Variants in RFT1 observed in about 807,000 individuals in gnomAD.
The protein encoded by RFT1 is RFT1 glycolipid translocator homolog.
RFT1 carries 43 observed loss-of-function variants against 62.2 expected under a neutral mutation model. The ratio of observed to expected loss-of-function variants is 0.69; its 90% CI spans 0.54 to 0.89. The LOEUF is 0.89. Ranked by LOEUF, RFT1 falls within the 40% of genes least tolerant of loss-of-function variation. RFT1 has a pLI of 0.00. For missense variants in RFT1, 605 were observed against 649.9 expected (o/e 0.93, Z 0.75); for synonymous variants, 262 against 264.6 (o/e 0.99, Z 0.10).
rs1340928824 is a variant in RFT1, at chr3:53,103,735, G to A, written c.1102+218C>T. The A allele has an allele frequency of 5.1e-6, 3 of 591,488 alleles. No individual in the cohort carries two copies. In the Admixed American group the frequency reaches 8.2e-5, roughly 16 times the overall value. 36.6% of individuals were successfully genotyped at this position (591,488 alleles called of 1,614,324 possible). On this transcript the variant is annotated intron_variant, in intron 10 of 12. Coordinates refer to ENST00000296292, the MANE Select transcript of RFT1 (RefSeq NM_052859.4). Reference sequence around the variant, plus strand: ...AGTCCTAATAACTTCTCCAAGTGAGGCTGGGGAAGCTGATTGTCCTGGCGC... The same window carrying A: ...AGTCCTAATAACTTCTCCAAGTGAGACTGGGGAAGCTGATTGTCCTGGCGC...
chr3:53,084,846 C>T (rs1255900123), downstream of RFT1, among the ~76,000 whole-genome samples: 1 of 152,206 alleles, frequency 6.6e-6, no homozygotes. Flanking sequence ...CTAGAAGATT[C>T]CTTCACAAGT....
At position 53,099,395 on chromosome 3, in the gene RFT1, T is replaced by C. The variant is rs868849995; in HGVS notation, c.1194A>G (p.Lys398=). The part of the protein sequence containing the change: ...TECFTFAAMS[K]EEVDRYNFVM... ...AGGTTACCCACCTGTCGACCTCCTC[T>C]TTGCTCATGGCAGCAAATGTGAAAC... Residue 398 remains lysine, a synonymous_variant, in exon 11 of 13, where the codon AAA becomes AAG. Transcript: ENST00000296292. 8 of 1,614,100 alleles carry C rather than the reference T, an allele frequency of 5.0e-6. No individual in the cohort carries two copies. In the Middle Eastern group the frequency reaches 6.6e-4, roughly 133 times the overall value.
intron 9 of RFT1, among the ~76,000 whole-genome samples, chr3:53,104,471 C>T (rs1458298804): frequency 6.6e-6 from 1 of 152,032 alleles, no homozygotes; most frequent in Non-Finnish European, 1.5e-5. Flanking sequence ...TCAAGCAATC[C>T]TCCTGCCTTG....
the RFT1 span, among the ~76,000 whole-genome samples, chr3:53,073,057 C>T: frequency 6.6e-6 from 1 of 152,214 alleles, no homozygotes; most frequent in Admixed American, 6.5e-5. Context: ...CAGATGTGAG[C>T]CCCCAGCCCG....
intron 6 of RFT1, among the ~76,000 whole-genome samples, chr3:53,118,803 C>G (rs1701880909): frequency 6.6e-6 from 1 of 152,120 alleles, no homozygotes; most frequent in South Asian, 2.1e-4. Context: ...AGTCCAATGG[C>G]CTGAGTGTGA....
chr3:53,114,239 G>C (rs1249990280), intron 6 of RFT1, among the ~76,000 whole-genome samples: 1 of 152,120 alleles, frequency 6.6e-6, no homozygotes, highest in Non-Finnish European at 1.5e-5. Flanking sequence ...AGCAAAGCAG[G>C]ACCTGTCCCC....
In RFT1 at chr3:53,122,448, G is replaced by C. The variant is rs140127085; in HGVS notation, c.382C>G (p.Leu128Val). Reference sequence around the variant, plus strand: ...CCTAGAAGCTCCACCACTGCCGAGAGACCAAACAGCACCACTCCAGTTGCA... The same window carrying C: ...CCTAGAAGCTCCACCACTGCCGAGACACCAAACAGCACCACTCCAGTTGCA... The part of the protein sequence containing the change: ...HYATGVVLFG[L>V]SAVVELLGEP... The change falls in exon 4 of 13, where the codon CTC becomes GTC. Residue 128 changes from leucine (L) to valine (V), a missense_variant. Transcript: ENST00000296292. 6.2e-7 allele frequency: 1 copy of C among 1,614,010 alleles called. No homozygotes were observed. Among genetic ancestry groups the C allele is most frequent in the Non-Finnish European group, 8.5e-7 (1 of 1,180,018 alleles).
Position 53,105,737 on chromosome 3 carries a change from T to G in RFT1, c.893A>C (p.Glu298Ala), listed in dbSNP as rs1197232581. Residue 298 changes from glutamate (E) to alanine (A), a missense_variant, in exon 9 of 13, where the codon GAA (glutamate) becomes GCA (alanine). Transcript: ENST00000296292. ...CTTAGCAAAAAATATATAAAAACTT[T>G]CCTCTATTGGCTGGAAAATTAATCT... is the stretch of plus-strand genomic sequence containing the variant. ...VARLIFQPIEESFYIFFAKVL... is the reference protein window; with the variant it reads ...VARLIFQPIEASFYIFFAKVL... 1 of 1,613,850 alleles carries G rather than the reference T, an allele frequency of 6.2e-7. No homozygotes were observed. Among genetic ancestry groups the G allele is most frequent in the Non-Finnish European group, 8.5e-7 (1 of 1,179,872 alleles).
At chr3:53,072,041 C>T in the RFT1 span, among the ~76,000 whole-genome samples, 1 of 152,158 alleles carries the variant, frequency 6.6e-6, no homozygotes, top group East Asian at 1.9e-4. Flanking sequence ...TTCCTCTGGC[C>T]CAGGGGAACA....
At chr3:53,094,346 TACACGCAC>T (rs1290524241) in intron 11 of RFT1, among the ~76,000 whole-genome samples, 1 of 61,384 alleles carries the variant, frequency 1.6e-5, no homozygotes, top group Non-Finnish European at 3.1e-5. Flanking sequence ...GTAAAAATAC[TACACGCAC>T]ACACACACAC....
chr3:53,103,902 T>C (rs756126748), intron 10 of RFT1, 51 bp downstream of exon 10: 1 of 1,609,482 alleles, frequency 6.2e-7, no homozygotes, highest in South Asian at 1.1e-5. Flanking sequence ...TCGTGACTCT[T>C]CTATTTATGT....
At chr3:53,129,130 A>G (rs1266796839) in intron 1 of RFT1, among the ~76,000 whole-genome samples, 3 of 152,264 alleles carry the variant, frequency 2.0e-5, no homozygotes, top group Non-Finnish European at 4.4e-5. Flanking sequence ...AAAAATCCCT[A>G]GGTAAACTTA....
rs772183055 is a variant in RFT1 at position 53,130,368 on chromosome 3, G to C, written c.33C>G (p.Ala11=). ...GGAGGAGACCGGAGGAGGCCAGCCG[G>C]GCCGCGTGGCCCAGCACCTCCTGGC... MGSQEVLGHA[A]RLASSGLLLQ... The change falls in exon 1 of 13, where the codon GCC becomes GCG. Residue 11 remains alanine, a synonymous_variant. Transcript: ENST00000296292. 12 of 1,565,404 alleles carry C rather than the reference G, an allele frequency of 7.7e-6. No individual in the cohort carries two copies. The South Asian group carries it at 1.4e-4, about 18-fold the overall frequency.
intron 4 of RFT1, 121 bp downstream of exon 4, chr3:53,122,252 TA>T: frequency 1.0e-6 from 1 of 966,040 alleles, no homozygotes; most frequent in Non-Finnish European, 1.6e-6. Context: ...TATCTTTTTC[TA>T]AATACATTTT....
At chr3:53,074,274 G>T in the RFT1 span, among the ~76,000 whole-genome samples, 1 of 152,148 alleles carries the variant, frequency 6.6e-6, no homozygotes, top group Non-Finnish European at 1.5e-5. Flanking sequence ...TCCCAACCTG[G>T]TCTCTTTCAT....
rs1257014597 is a variant in RFT1 at position 53,091,631 on chromosome 3, A to G, written c.*272T>C. Reference sequence around the variant, plus strand: ...ACGCAAAAGGAATGAGTATATTAGTAAAAGAGAAAATGCTGATTACTATAA... The same window carrying G: ...ACGCAAAAGGAATGAGTATATTAGTGAAAGAGAAAATGCTGATTACTATAA... On this transcript the variant is annotated 3_prime_UTR_variant, in exon 13 of 13. Coordinates refer to ENST00000296292, the MANE Select transcript of RFT1 (RefSeq NM_052859.4). The G allele has an allele frequency of 4.3e-6, 2 of 468,284 alleles. No homozygotes were observed. Among genetic ancestry groups the G allele is most frequent in the South Asian group, 2.2e-5 (1 of 45,204 alleles). The allele number at this position is 468,284 out of a possible 1,614,324, so 29.0% of individuals were successfully genotyped here. A position where few individuals can be genotyped will look rare whatever the true frequency, so the allele number is the denominator to read the frequency against.
At chr3:53,101,961 C>A (rs151007238) in intron 10 of RFT1, among the ~76,000 whole-genome samples, 1 of 150,650 alleles carries the variant, frequency 6.6e-6, no homozygotes, top group Non-Finnish European at 1.5e-5. Flanking sequence ...CTCTTGAACC[C>A]GGGAGGTGGA....
chr3:53,066,997 A>T, the RFT1 span, among the ~76,000 whole-genome samples: 1 of 152,240 alleles, frequency 6.6e-6, no homozygotes, highest in Non-Finnish European at 1.5e-5. Flanking sequence ...AAAAAGAAAG[A>T]ACAACTGTTA....
intron 7 of RFT1, 79 bp downstream of exon 7, chr3:53,111,751 T>C (rs967980453): frequency 1.5e-5 from 18 of 1,207,888 alleles, no homozygotes; most frequent in Non-Finnish European, 2.1e-5. Context: ...ACAGGTGGTC[T>C]GGACCCAGGT....
Sources: allele counts gnomAD v4.1 joint callset (sites outside exome capture counted in the v4.1 genomes callset), GRCh38; gene constraint gnomAD v4.1.1; transcripts MANE v1.5; gene names NCBI Gene and HGNC (gene_info 2026-07-23, HGNC 2026-07-21).